The following UBIAD1 variants were observed in gnomAD, a reference collection of about 807,000 sequenced individuals.
UBIAD1 encodes ubiA prenyltransferase domain-containing protein 1.
A neutral mutation model predicts 20.1 loss-of-function variants in UBIAD1; 12 were observed. The observed-to-expected ratio is 0.60, with a 90% CI of 0.38 to 0.97. The LOEUF (loss-of-function observed/expected upper bound fraction) is 0.97, where lower values mean the gene tolerates loss of function less well. Ranked by LOEUF, UBIAD1 falls within the 50% of genes least tolerant of loss-of-function variation. The probability of loss-of-function intolerance (pLI) is 0.00; values close to 1 mark genes in which losing one functional copy is unlikely to be tolerated. For missense variants in UBIAD1, 333 were observed against 419.5 expected (o/e 0.79, Z 1.80); for synonymous variants, 207 against 189.2 (o/e 1.09, Z -0.77).
downstream of UBIAD1, chr1:11,292,091 C>T (rs1638376073): frequency 6.6e-6 from 1 of 152,056 alleles, no homozygotes; most frequent in South Asian, 2.1e-4. Context: ...GCAACCTCTG[C>T]CTCCAGGGTT....
chr1:11,281,514 C>T (rs1032997606), intron 1 of UBIAD1, among the ~76,000 whole-genome samples: 32 of 152,110 alleles, frequency 2.1e-4, no homozygotes, highest in African/African-American at 7.5e-4. Flanking sequence ...ATATACTGAG[C>T]AGAGTAGTGA....
intron 1 of UBIAD1, among the ~76,000 whole-genome samples, chr1:11,282,759 G>A: frequency 6.6e-6 from 1 of 150,798 alleles, no homozygotes; most frequent in East Asian, 2.0e-4. Flanking sequence ...TAGAGATGGG[G>A]TTTCTCCGTG....
At position 11,285,495 on chromosome 1, in the gene UBIAD1, T is replaced by C; in HGVS notation, c.530-149T>C. On this transcript the variant is annotated intron_variant, in intron 1 of 1. Coordinates refer to ENST00000376810, the MANE Select transcript of UBIAD1 (RefSeq NM_013319.3). The surrounding 1 kb of genome is among the most constrained non-coding windows in gnomAD (Gnocchi z 4.4). ...TTGGAGAAGAAATCAGAATTTGCTC[T>C]GTGGGGTTAAGGGATGAAATGAGTG... The C allele has an allele frequency of 8.2e-7, 1 of 1,217,194 alleles. No individual in the cohort carries two copies. The allele number at this position is 1,217,194 out of a possible 1,614,324, so 75.4% of individuals were successfully genotyped here.
In UBIAD1 at chr1:11,285,555, G is replaced by A; in HGVS notation, c.530-89G>A. The A allele has an allele frequency of 6.3e-7, 1 of 1,594,678 alleles. No individual in the cohort carries two copies. The highest frequency in any genetic ancestry group is 8.5e-7 in the Non-Finnish European group (1 of 1,169,606). Reference sequence around the variant, plus strand: ...ACAGTCTAAGGATTTACCATTTTCAGCCGGAAGTGGCCTGCCTCTTCACTG... The same window carrying A: ...ACAGTCTAAGGATTTACCATTTTCAACCGGAAGTGGCCTGCCTCTTCACTG... On this transcript the variant is annotated intron_variant, in intron 1 of 1. Transcript: ENST00000376810. This position sits in a 1 kb window ranked among gnomAD's most constrained non-coding sequence, Gnocchi z 4.4.
chr1:11,284,769 G>A (rs1044236121), intron 1 of UBIAD1, among the ~76,000 whole-genome samples: 2 of 152,086 alleles, frequency 1.3e-5, no homozygotes, highest in African/African-American at 2.4e-5. Context: ...CACCCAGCCA[G>A]ATTCCTATTT....
At chr1:11,294,528 G>A (rs949115098) in intron 1 of UBIAD1, among the ~76,000 whole-genome samples, 4 of 152,256 alleles carry the variant, frequency 2.6e-5, no homozygotes, top group Admixed American at 6.5e-5. Context: ...GCCCTTAGCC[G>A]CTCCCAAGTG....
chr1:11,294,954 C>T, exon 2 of UBIAD1: 1 of 717,456 alleles, frequency 1.4e-6, no homozygotes, highest in Non-Finnish European at 2.6e-6. Flanking sequence ...AGTGACCTGC[C>T]TTCTAGACCT....
chr1:11,289,733 T>G (rs1638334110), downstream of UBIAD1, among the ~76,000 whole-genome samples: 1 of 151,896 alleles, frequency 6.6e-6, no homozygotes, highest in African/African-American at 2.4e-5. Flanking sequence ...CTAGCTAATT[T>G]TTGTATATAT....
chr1:11,280,441 G>A (rs1569896100), intron 1 of UBIAD1, among the ~76,000 whole-genome samples: 1 of 152,176 alleles, frequency 6.6e-6, no homozygotes, highest in Non-Finnish European at 1.5e-5. Flanking sequence ...GATGCCATCT[G>A]TTAAGCTAGT....
At chr1:11,277,151 C>T (rs112140315) in intron 1 of UBIAD1, among the ~76,000 whole-genome samples, 15,864 of 151,808 alleles carry the variant, frequency 0.1, 1,371 homozygotes, top group African/African-American at 0.23. Flanking sequence ...GTAGGAGAAT[C>T]GCTTGAACCT....
downstream of UBIAD1, among the ~76,000 whole-genome samples, chr1:11,291,339 G>T (rs1281268598): frequency 2.0e-5 from 3 of 152,106 alleles, no homozygotes; most frequent in African/African-American, 7.2e-5. Flanking sequence ...CAATCACGGT[G>T]GCTCATGCCT....
At chr1:11,278,798 G>T in intron 1 of UBIAD1, 1 of 487,912 alleles carries the variant, frequency 2.0e-6, no homozygotes, top group Admixed American at 3.8e-5. Flanking sequence ...ATTAATTCTT[G>T]TTACAAATCT....
downstream of UBIAD1, chr1:11,296,104 C>T (rs1226789631): frequency 1.3e-5 from 2 of 152,188 alleles, no homozygotes; most frequent in Non-Finnish European, 2.9e-5. Flanking sequence ...CAGGTGGCTG[C>T]AAGACCAGTC....
downstream of UBIAD1, among the ~76,000 whole-genome samples, chr1:11,296,393 T>G (rs968220226): frequency 1.1e-4 from 17 of 152,262 alleles, no homozygotes; most frequent in Admixed American, 5.9e-4. Context: ...TTCCGGTGCC[T>G]CCTCTGCAAA....
rs2101021244 is a variant in UBIAD1, at chr1:11,283,324, A to G, written c.530-2320A>G. ...AGCAAGAGTGGGCAGCTGTAGAGGA[A>G]CTGGCTAGGTCTGTGCTGGGAGTAT... On this transcript the variant is annotated intron_variant, in intron 1 of 1. Coordinates refer to ENST00000376810, the MANE Select transcript of UBIAD1 (RefSeq NM_013319.3). Among the ~76,000 whole-genome samples the G allele has an allele frequency of 2.0e-5, 3 of 152,236 alleles. 1 individual carries two copies. The Middle Eastern group carries it at 0.01, about 518-fold the overall frequency.
chr1:11,282,830 G>A (rs865830706), intron 1 of UBIAD1, among the ~76,000 whole-genome samples: 5 of 151,448 alleles, frequency 3.3e-5, no homozygotes, highest in South Asian at 4.2e-4. Flanking sequence ...GCCTCCCAAA[G>A]TGCTGGAATT....
intron 1 of UBIAD1, among the ~76,000 whole-genome samples, 199 bp downstream of exon 1, chr1:11,274,259 A>G (rs1400903034): frequency 6.6e-6 from 1 of 152,236 alleles, no homozygotes; most frequent in Non-Finnish European, 1.5e-5. Context: ...GACGTAGGGC[A>G]TGACTGAAAA....
rs1018040039 is a variant in UBIAD1 at position 11,286,481 on chromosome 1, G to T, written c.*350G>T. Reference sequence around the variant, plus strand: ...CAAAATGTCTCCAGACTTTGTAAAGGAGCTGCCCAGTTTGGCCTCCTGTCC... The same window carrying T: ...CAAAATGTCTCCAGACTTTGTAAAGTAGCTGCCCAGTTTGGCCTCCTGTCC... On this transcript the variant is annotated 3_prime_UTR_variant, in exon 2 of 2. Coordinates refer to ENST00000376810, the MANE Select transcript of UBIAD1 (RefSeq NM_013319.3). The T allele has an allele frequency of 1.7e-5, 6 of 346,408 alleles. No individual in the cohort carries two copies. Among genetic ancestry groups the T allele is most frequent in the African/African-American group, 8.5e-5 (4 of 46,796 alleles). The allele number at this position is 346,408 out of a possible 1,614,324, so 21.5% of individuals were successfully genotyped here.
chr1:11,281,920 T>C (rs1015792487), intron 1 of UBIAD1, among the ~76,000 whole-genome samples: 72 of 152,270 alleles, frequency 4.7e-4, no homozygotes, highest in African/African-American at 1.6e-3. Flanking sequence ...CATTGTTTTA[T>C]TGCGTGTATC....
Sources: allele counts gnomAD v4.1 joint callset (sites outside exome capture counted in the v4.1 genomes callset), GRCh38; gene constraint gnomAD v4.1.1; non-coding constraint Gnocchi (gnomAD v3.1); transcripts MANE v1.5; gene names NCBI Gene and HGNC (gene_info 2026-07-23, HGNC 2026-07-21).